The following PTPRB variants were observed in gnomAD, a reference collection of about 807,000 sequenced individuals.
PTPRB encodes protein tyrosine phosphatase receptor type B, also known as receptor-type tyrosine-protein phosphatase beta.
In PTPRB, 97 loss-of-function variants were observed where a neutral mutation model predicts 238.1. That is an observed-to-expected ratio of 0.41 (90% CI 0.35 to 0.48). The LOEUF (loss-of-function observed/expected upper bound fraction) is 0.48, where lower values mean the gene tolerates loss of function less well. Among genes scored for constraint, PTPRB ranks in the 20% least tolerant of loss-of-function variants. PTPRB has a pLI of 0.30. For missense variants in PTPRB, 2,292 were observed against 2,681.9 expected (o/e 0.85, Z 3.21); for synonymous variants, 970 against 995.4 (o/e 0.97, Z 0.48).
At chr12:70,570,443 C>T (rs938851590) in intron 13 of PTPRB, among the ~76,000 whole-genome samples, 34 of 152,046 alleles carry the variant, frequency 2.2e-4, no homozygotes, top group Non-Finnish European at 4.4e-4. Flanking sequence ...ACCTCCTGGG[C>T]TCAAGTGATT....
intron 32 of PTPRB, among the ~76,000 whole-genome samples, chr12:70,530,778 A>T (rs545787073): frequency 5.3e-5 from 8 of 152,244 alleles, no homozygotes; most frequent in African/African-American, 1.9e-4. Flanking sequence ...GGCTCTTGCT[A>T]TGTGGCCTAG....
chr12:70,606,131 A>T (rs1470940022), intron 4 of PTPRB, among the ~76,000 whole-genome samples: 2 of 152,192 alleles, frequency 1.3e-5, no homozygotes. Flanking sequence ...AAAAGATGAG[A>T]TAAAGCTCTG....
rs183091574 is a variant in PTPRB at position 70,534,707 on chromosome 12, T to C, written c.6205-56A>G. On this transcript the variant is annotated intron_variant, in intron 30 of 33. Transcript: ENST00000334414. ...AACTGTCCAATGCAAACCTTCAAAC[T>C]TGACAGCTGAGCCATGGAGCAACTC... 7.1e-5 allele frequency: 113 copies of C among 1,602,004 alleles called. No homozygotes were observed. The African/African-American group carries it at 1.3e-3, about 19-fold the overall frequency.
rs762882212 is a variant in PTPRB, at chr12:70,571,869, T to C, written c.3061A>G (p.Lys1021Glu). Residue 1021 changes from lysine to glutamate, a missense_variant, in exon 12 of 34, where the codon AAA becomes GAA. By Grantham distance (56) the Lys-to-Glu change is moderately conservative. Coordinates refer to ENST00000334414, the MANE Select transcript of PTPRB (RefSeq NM_001109754.4). ...GRLYSVTVTT[K>E]SGQYEANEQG... ...TCATTGGCTTCATATTGTCCACTTT[T>C]TGTAGTAACAGTGACACTGTACAAC... The C allele has an allele frequency of 6.2e-7, 1 of 1,614,000 alleles. No homozygotes were observed. The highest frequency in any genetic ancestry group is 1.1e-5 in the South Asian group (1 of 91,060).
intron 28 of PTPRB, among the ~76,000 whole-genome samples, chr12:70,537,441 T>A (rs1274555025): frequency 6.6e-6 from 1 of 152,178 alleles, no homozygotes; most frequent in Non-Finnish European, 1.5e-5. Context: ...CCCATGCCAT[T>A]GCCTTTTCTT....
chr12:70,605,716 T>G (rs1883892098), intron 4 of PTPRB, among the ~76,000 whole-genome samples: 1 of 152,188 alleles, frequency 6.6e-6, no homozygotes. Flanking sequence ...TCCATACATT[T>G]GGGTTTTAAT....
rs1031491850 is a variant in PTPRB at position 70,596,477 on chromosome 12, T to C, written c.980-150A>G. ...AAAAATCTGTTATTTGTGAAATAAA[T>C]TGCCATTTTGCTTCACTTCCAAACC... On this transcript the variant is annotated intron_variant, in intron 4 of 33. Transcript: ENST00000334414. 8.4e-6 allele frequency: 8 copies of C among 952,184 alleles called. No homozygotes were observed. In the South Asian group the frequency reaches 1.4e-4, roughly 16 times the overall value. The allele number at this position is 952,184 out of a possible 1,614,324, so 59.0% of individuals were successfully genotyped here.
In PTPRB at chr12:70,524,432, A is replaced by T. The variant is rs1442611395; in HGVS notation, c.6625+39T>A. Reference sequence around the variant, plus strand: ...GCCTGGCCAGATTGACCATATCTTGATGAAGAAACTTGGGGAAGTAAGTGA... The same window carrying T: ...GCCTGGCCAGATTGACCATATCTTGTTGAAGAAACTTGGGGAAGTAAGTGA... On this transcript the variant is annotated intron_variant, in intron 33 of 33. Transcript: ENST00000334414. 10 of 1,554,764 alleles carry T rather than the reference A, an allele frequency of 6.4e-6. No homozygotes were observed. The African/African-American group carries it at 1.2e-4, about 19-fold the overall frequency.
intron 33 of PTPRB, among the ~76,000 whole-genome samples, chr12:70,523,860 G>C (rs1565895559): frequency 1.3e-5 from 2 of 151,694 alleles, no homozygotes; most frequent in Admixed American, 1.3e-4. Context: ...TTGTTGCCCA[G>C]TCTGGAGTGC....
At chr12:70,542,206 A>G (rs1875242237) in intron 22 of PTPRB, 1 of 152,130 alleles carries the variant, frequency 6.6e-6, no homozygotes, top group South Asian at 2.1e-4. Context: ...CATGATGTTG[A>G]GCATCTTTTC....
intron 33 of PTPRB, 56 bp from the exon 34 acceptor site, chr12:70,521,567 A>G (rs369876): frequency 0.96 from 1,374,878 of 1,436,576 alleles, 658,123 homozygotes; most frequent in East Asian, 1. Context: ...ATAATTGTTT[A>G]CGCTGTTTAT....
intron 4 of PTPRB, among the ~76,000 whole-genome samples, chr12:70,601,297 C>T (rs540373310): frequency 3.3e-5 from 5 of 152,222 alleles, no homozygotes; most frequent in African/African-American, 7.2e-5. Context: ...CACCACGCCC[C>T]GCCTCTTCCT....
rs763786952 is a variant in PTPRB, at chr12:70,539,817, T to C, written c.5696+10A>G. On this transcript the variant is annotated intron_variant, in intron 25 of 33. Transcript: ENST00000334414. The stretch of plus-strand genomic sequence containing the variant: ...AGATAATATAGTAATTAATGTGTTC[T>C]CTCTCTTACCAAGAAGTTTTCCGGT... 6.3e-7 allele frequency: 1 copy of C among 1,597,926 alleles called. No homozygotes were observed.
intron 5 of PTPRB, 61 bp from the exon 6 acceptor site, chr12:70,594,785 AC>A: frequency 1.3e-6 from 2 of 1,561,670 alleles, no homozygotes; most frequent in Non-Finnish European, 1.8e-6. Context: ...AGACATAGAC[AC>A]ATTTAATTAG....
chr12:70,532,268 A>G, intron 31 of PTPRB, 98 bp from the exon 32 acceptor site: 1 of 1,378,500 alleles, frequency 7.3e-7, no homozygotes, highest in Non-Finnish European at 9.8e-7. Context: ...TTCCCTTCCC[A>G]GTTATGGGAG....
At chr12:70,610,288 T>C (rs1884360272) in intron 3 of PTPRB, among the ~76,000 whole-genome samples, 1 of 151,678 alleles carries the variant, frequency 6.6e-6, no homozygotes, top group Non-Finnish European at 1.5e-5. Flanking sequence ...GGGCTCTGCC[T>C]CCTCCTCCTC....
rs1871187764 is a variant in PTPRB, at chr12:70,516,193, CAAAT to C, written c.*5292_*5295del. The stretch of plus-strand genomic sequence containing the variant: ...TTACTTACATTATTTATGCTTCACA[CAAAT>C]GAAGGAATGGCTAGATTAACCTGCA... On this transcript the variant is annotated 3_prime_UTR_variant, in exon 34 of 34. Transcript: ENST00000334414. The C allele has an allele frequency of 6.6e-6, 1 of 152,078 alleles. No homozygotes were observed. Among genetic ancestry groups the C allele is most frequent in the Non-Finnish European group, 1.5e-5 (1 of 68,012 alleles). 9.4% of individuals were successfully genotyped at this position (152,078 alleles called of 1,614,324 possible).
At chr12:70,617,620 T>G (rs1884738579) in intron 3 of PTPRB, among the ~76,000 whole-genome samples, 1 of 152,210 alleles carries the variant, frequency 6.6e-6, no homozygotes, top group Admixed American at 6.5e-5. Flanking sequence ...ATACTTTAAG[T>G]GACCCCAATA....
intron 23 of PTPRB, chr12:70,540,595 A>G: frequency 2.6e-6 from 1 of 391,082 alleles, no homozygotes; most frequent in South Asian, 3.9e-5. Flanking sequence ...TTTCCTGTGC[A>G]AAAGGAGTCA....
Sources: gnomAD v4.1 joint callset for allele counts (sites outside exome capture counted in the v4.1 genomes callset) on GRCh38, gnomAD v4.1.1 for gene constraint, MANE v1.5 for transcripts, NCBI Gene and HGNC (gene_info 2026-07-23, HGNC 2026-07-21) for gene names.